The following UST variants were observed in gnomAD, a reference collection of about 807,000 sequenced individuals.
UST encodes chondroitin sulfate 2-O-sulfotransferase.
In UST, 21 loss-of-function variants were observed where a neutral mutation model predicts 45.6. That is an observed-to-expected ratio of 0.46 (90% CI 0.33 to 0.66). The LOEUF (loss-of-function observed/expected upper bound fraction) is 0.66, where lower values mean the gene tolerates loss of function less well. Ranked by LOEUF, UST falls within the 30% of genes least tolerant of loss-of-function variation. The probability of loss-of-function intolerance (pLI) is 0.02; values close to 1 mark genes in which losing one functional copy is unlikely to be tolerated. For synonymous variants in UST, 215 were observed against 200.6 expected, an observed-to-expected ratio of 1.07 and a Z score of -0.61; for missense variants, 463 against 512.4, an observed-to-expected ratio of 0.90 and a Z score of 0.93.
At chr6:148,926,309 A>G (rs1779813426) in intron 2 of UST, among the ~76,000 whole-genome samples, 1 of 152,234 alleles carries the variant, frequency 6.6e-6, no homozygotes, top group African/African-American at 2.4e-5. Flanking sequence ...AGCCATTTTT[A>G]AAAATGAATA....
In UST at chr6:148,922,869, T is replaced by C. The variant is rs139288082; in HGVS notation, c.292-18410T>C. ...GTGCAGTGGCACGATCTCGGCTTAC[T>C]GCAACCTCCACCTCCCAGGTTCAAG... is the stretch of plus-strand genomic sequence containing the variant. On this transcript the variant is annotated intron_variant, in intron 2 of 7. Coordinates refer to ENST00000367463, the MANE Select transcript of UST (RefSeq NM_005715.3). 4.3e-3 allele frequency among the ~76,000 whole-genome samples: 660 copies of C among 152,274 alleles called. 20 individuals carry two copies. In the East Asian group the frequency reaches 0.08, roughly 18 times the overall value.
chr6:148,847,666 T>C (rs1046065682), intron 1 of UST, among the ~76,000 whole-genome samples: 2 of 152,208 alleles, frequency 1.3e-5, no homozygotes, highest in African/African-American at 2.4e-5. Flanking sequence ...GAATTCTTTT[T>C]AAAAAGTGGA....
At chr6:148,963,144 C>A (rs1270430008) in intron 4 of UST, among the ~76,000 whole-genome samples, 3 of 152,160 alleles carry the variant, frequency 2.0e-5, no homozygotes, top group Non-Finnish European at 1.5e-5. Context: ...CTGGGTTGGG[C>A]ATTAATTGCT....
chr6:148,982,419 CCA>C (rs1223420367), intron 5 of UST, among the ~76,000 whole-genome samples: 2 of 152,112 alleles, frequency 1.3e-5, no homozygotes, highest in Non-Finnish European at 2.9e-5. Flanking sequence ...TTTTGTAAGG[CCA>C]CCTAGTCCCA....
chr6:148,918,588 G>T (rs1484131290), intron 2 of UST, among the ~76,000 whole-genome samples: 1 of 152,026 alleles, frequency 6.6e-6, no homozygotes, highest in Non-Finnish European at 1.5e-5. Context: ...ATTCTTACTT[G>T]CATTCTCATG....
chr6:148,956,604 A>T (rs777749306), intron 4 of UST, among the ~76,000 whole-genome samples: 2 of 152,178 alleles, frequency 1.3e-5, no homozygotes, highest in Admixed American at 6.5e-5. Flanking sequence ...ATACATTCAG[A>T]GTGGCAGTTA....
chr6:148,991,349 A>T (rs1438905808), intron 5 of UST, among the ~76,000 whole-genome samples: 3 of 151,988 alleles, frequency 2.0e-5, no homozygotes, highest in East Asian at 1.9e-4. Context: ...GAACTCATAA[A>T]TTTTTTTTAA....
intron 2 of UST, among the ~76,000 whole-genome samples, chr6:148,898,673 A>T (rs1299330548): frequency 2.0e-5 from 3 of 152,230 alleles, no homozygotes; most frequent in Non-Finnish European, 4.4e-5. Context: ...GTTTAGTGCT[A>T]TTAAGCACAT....
chr6:148,919,082 T>C (rs1779648226), intron 2 of UST, among the ~76,000 whole-genome samples: 1 of 152,162 alleles, frequency 6.6e-6, no homozygotes, highest in Non-Finnish European at 1.5e-5. Flanking sequence ...AAAATGAAAC[T>C]GAACCCCGTT....
chr6:148,856,300 G>A (rs1356086881), intron 1 of UST, among the ~76,000 whole-genome samples: 2 of 152,168 alleles, frequency 1.3e-5, no homozygotes, highest in Admixed American at 1.3e-4. Context: ...ACAGGAGTGA[G>A]CCACTGTGGC....
chr6:149,065,701 T>C (rs1356665233), intron 7 of UST, among the ~76,000 whole-genome samples: 1 of 152,210 alleles, frequency 6.6e-6, no homozygotes, highest in Non-Finnish European at 1.5e-5. Context: ...TTATTGAGAA[T>C]ATCAAATAAA....
At chr6:148,978,134 A>G (rs1051001291) in intron 5 of UST, among the ~76,000 whole-genome samples, 1 of 152,216 alleles carries the variant, frequency 6.6e-6, no homozygotes, top group Non-Finnish European at 1.5e-5. Flanking sequence ...AAATTTTCAC[A>G]GATTATTTTC....
At chr6:148,973,463 A>G (rs1336014679) in intron 5 of UST, among the ~76,000 whole-genome samples, 2 of 152,246 alleles carry the variant, frequency 1.3e-5, no homozygotes, top group African/African-American at 4.8e-5. Context: ...AAAGACATGT[A>G]AATGCTAAAT....
chr6:148,946,277 C>T (rs1203459288), intron 3 of UST, among the ~76,000 whole-genome samples: 8 of 151,886 alleles, frequency 5.3e-5, no homozygotes, highest in Admixed American at 1.3e-4. Flanking sequence ...TCTGGGAGGC[C>T]GAGGCGGTGG....
chr6:148,975,424 C>G (rs1780997071), intron 5 of UST, among the ~76,000 whole-genome samples: 1 of 152,162 alleles, frequency 6.6e-6, no homozygotes, highest in Admixed American at 6.5e-5. Flanking sequence ...CGTGCAATTT[C>G]AACATATTCT....
chr6:148,875,950 C>T (rs1037794561), intron 1 of UST, among the ~76,000 whole-genome samples: 5 of 152,332 alleles, frequency 3.3e-5, no homozygotes, highest in East Asian at 3.9e-4. Flanking sequence ...ATCTAATTTA[C>T]ATTTGATTTT....
At chr6:148,950,625 C>T (rs1334225984) in intron 3 of UST, among the ~76,000 whole-genome samples, 1 of 152,186 alleles carries the variant, frequency 6.6e-6, no homozygotes, top group East Asian at 1.9e-4. Flanking sequence ...ATTTTATGTT[C>T]TGCCTTTTGT....
chr6:149,049,929 T>TCA (rs1219672960), intron 7 of UST, among the ~76,000 whole-genome samples: 7,249 of 129,420 alleles, frequency 0.056, 182 homozygotes, highest in Non-Finnish European at 0.071. Context: ...TCTCTCTCTC[T>TCA]CTCACACACA....
chr6:148,912,762 C>T (rs1166700457), intron 2 of UST, among the ~76,000 whole-genome samples: 1 of 152,216 alleles, frequency 6.6e-6, no homozygotes, highest in Non-Finnish European at 1.5e-5. Context: ...GCAGATAGCA[C>T]TTTTAACAAA....
Sources: allele counts gnomAD v4.1 joint callset (sites outside exome capture counted in the v4.1 genomes callset), GRCh38; gene constraint gnomAD v4.1.1; transcripts MANE v1.5; gene names NCBI Gene and HGNC (gene_info 2026-07-23, HGNC 2026-07-21).